The following RBFOX1 variants were observed in gnomAD, a reference collection of about 807,000 sequenced individuals.
RBFOX1 encodes the protein RNA binding protein fox-1 homolog 1.
In RBFOX1, 8 loss-of-function variants were observed where a neutral mutation model predicts 57.7. That is an observed-to-expected ratio of 0.14 (90% confidence interval 0.08 to 0.25). RBFOX1 has a LOEUF of 0.25. Ranked by LOEUF, RBFOX1 falls within the 10% of genes least tolerant of loss-of-function variation. The pLI is 1.00. For missense variants in RBFOX1, 611 were observed against 548.5 expected (o/e 1.11, Z -1.14); for synonymous variants, 326 against 222.4 (o/e 1.47, Z -4.15).
intron 3 of RBFOX1, among the ~76,000 whole-genome samples, chr16:5,789,955 G>A (rs1261426018): frequency 6.6e-6 from 1 of 152,188 alleles, no homozygotes; most frequent in African/African-American, 2.4e-5. Context: ...TGCTATAACA[G>A]ATAGACCTCT....
At chr16:7,323,704 T>A (rs1018082977) in intron 4 of RBFOX1, among the ~76,000 whole-genome samples, 2 of 152,176 alleles carry the variant, frequency 1.3e-5, no homozygotes, top group Non-Finnish European at 2.9e-5. Flanking sequence ...TAAACTGAGA[T>A]AACAGATACA....
intron 2 of RBFOX1, among the ~76,000 whole-genome samples, chr16:6,530,111 G>C (rs1287633760): frequency 6.6e-6 from 1 of 152,188 alleles, no homozygotes; most frequent in African/African-American, 2.4e-5. Flanking sequence ...CCGAAAAGGA[G>C]ACAGTGTGTG....
chr16:6,893,393 T>A (rs1397233269), intron 3 of RBFOX1, among the ~76,000 whole-genome samples: 1 of 152,218 alleles, frequency 6.6e-6, no homozygotes, highest in East Asian at 1.9e-4. Flanking sequence ...AGGCTTTCTT[T>A]ATCCCTGTAC....
intron 3 of RBFOX1, among the ~76,000 whole-genome samples, chr16:5,668,078 C>G (rs1347826103): frequency 1.3e-5 from 2 of 152,082 alleles, no homozygotes; most frequent in African/African-American, 2.4e-5. Context: ...GCCAGGAATT[C>G]AGGACCAACC....
chr16:5,719,018 G>T (rs988969568), intron 3 of RBFOX1, among the ~76,000 whole-genome samples: 13 of 151,784 alleles, frequency 8.6e-5, no homozygotes, highest in African/African-American at 2.9e-4. Context: ...TTTCTGTAAG[G>T]ATTGACTGAG....
At chr16:6,546,204 T>A (rs890162986) in intron 2 of RBFOX1, among the ~76,000 whole-genome samples, 5 of 152,210 alleles carry the variant, frequency 3.3e-5, no homozygotes, top group African/African-American at 1.2e-4. Context: ...TTTGTCTAGG[T>A]AGGGTCATGA....
At chr16:6,093,605 C>A (rs1469776552) in intron 1 of RBFOX1, among the ~76,000 whole-genome samples, 1 of 151,984 alleles carries the variant, frequency 6.6e-6, no homozygotes, top group Admixed American at 6.6e-5. Context: ...ATGGGACGGT[C>A]TGTGAATTCT....
intron 7 of RBFOX1, among the ~76,000 whole-genome samples, chr16:7,590,140 A>G (rs1363903123): frequency 6.6e-6 from 1 of 151,958 alleles, no homozygotes; most frequent in African/African-American, 2.4e-5. Context: ...GGTGATATAC[A>G]CCTGTAGTCC....
intron 14 of RBFOX1, chr16:7,693,264 G>A: frequency 6.5e-7 from 1 of 1,529,542 alleles, no homozygotes; most frequent in Non-Finnish European, 9.1e-7. Flanking sequence ...TTGGCAGAGA[G>A]CACATTTCCC....
At chr16:6,664,758 C>T (rs772573278) in intron 3 of RBFOX1, among the ~76,000 whole-genome samples, 18 of 152,128 alleles carry the variant, frequency 1.2e-4, no homozygotes, top group Non-Finnish European at 1.3e-4. Flanking sequence ...GGGTTGCTGC[C>T]AAGAAATCCT....
chr16:6,582,928 C>G (rs1022375534), intron 2 of RBFOX1, among the ~76,000 whole-genome samples: 4 of 150,778 alleles, frequency 2.7e-5, no homozygotes, highest in Non-Finnish European at 4.4e-5. Context: ...AATTTTTCTC[C>G]CCTCCCCTCC....
At chr16:7,374,752 GC>G (rs1207025182) in intron 4 of RBFOX1, among the ~76,000 whole-genome samples, 15 of 152,158 alleles carry the variant, frequency 9.9e-5, no homozygotes, top group African/African-American at 2.7e-4. Context: ...GTCTTTTAAT[GC>G]CTTTGTTTTC....
intron 7 of RBFOX1, among the ~76,000 whole-genome samples, chr16:7,588,767 C>G (rs918634140): frequency 6.6e-6 from 1 of 152,212 alleles, no homozygotes; most frequent in Admixed American, 6.5e-5. Context: ...TAAAACAAAC[C>G]TTTGATTTTT....
intron 1 of RBFOX1, among the ~76,000 whole-genome samples, chr16:6,098,034 G>A (rs922818503): frequency 6.6e-6 from 1 of 152,134 alleles, no homozygotes; most frequent in Non-Finnish European, 1.5e-5. Flanking sequence ...TGCTCACTTG[G>A]CATAGCAAGG....
At chr16:5,430,644 GAGCTCAGGGCC>G (rs1179487618) in intron 1 of RBFOX1, among the ~76,000 whole-genome samples, 4 of 152,218 alleles carry the variant, frequency 2.6e-5, no homozygotes, top group Non-Finnish European at 5.9e-5. Flanking sequence ...TCAGTGATCA[GAGCTCAGGGCC>G]AGCTCAGGGC....
intron 1 of RBFOX1, among the ~76,000 whole-genome samples, chr16:6,045,143 G>T (rs2095482127): frequency 1.3e-5 from 2 of 152,172 alleles, no homozygotes; most frequent in South Asian, 4.1e-4. Flanking sequence ...AATCACCCAA[G>T]ACTCTTGTTA....
intron 4 of RBFOX1, among the ~76,000 whole-genome samples, chr16:5,979,446 TGAG>T (rs779814520): frequency 4.6e-5 from 7 of 152,266 alleles, no homozygotes; most frequent in Non-Finnish European, 1.5e-5. Context: ...TAGTGACTGT[TGAG>T]GGGCTTAACA....
At chr16:7,586,833 G>A (rs943843632) in intron 6 of RBFOX1, among the ~76,000 whole-genome samples, 6 of 152,118 alleles carry the variant, frequency 3.9e-5, no homozygotes, top group African/African-American at 1.4e-4. Context: ...GCCAACCCCA[G>A]TCACATCACA....
rs144358123 is a variant in RBFOX1, at chr16:6,958,640, A to G, written c.-15-93417A>G. ...GAGTAGGGATGTGATGCTATTGGCTATGCATAACTAGAAATGGGAAGTTAA... is the reference window on the plus strand; with the variant it reads ...GAGTAGGGATGTGATGCTATTGGCTGTGCATAACTAGAAATGGGAAGTTAA... On this transcript the variant is annotated intron_variant, in intron 3 of 15. Coordinates refer to ENST00000550418, the MANE Select transcript of RBFOX1 (RefSeq NM_018723.4). Among the ~76,000 whole-genome samples, 346 of 152,348 alleles carry G rather than the reference A, an allele frequency of 2.3e-3. 2 individuals carry two copies. Among genetic ancestry groups the G allele is most frequent in the African/African-American group, 8.1e-3 (336 of 41,588 alleles).
Sources: allele counts gnomAD v4.1 joint callset (sites outside exome capture counted in the v4.1 genomes callset), GRCh38; gene constraint gnomAD v4.1.1; transcripts MANE v1.5; gene names NCBI Gene and HGNC (gene_info 2026-07-23, HGNC 2026-07-21).